Variants in HSD17B4 observed in about 807,000 individuals in gnomAD.
HSD17B4 encodes hydroxysteroid 17-beta dehydrogenase 4.
In HSD17B4, 70 loss-of-function variants were observed where a neutral mutation model predicts 101.0. The ratio of observed to expected loss-of-function variants is 0.69; its 90% CI spans 0.57 to 0.85. HSD17B4 has a LOEUF of 0.85. HSD17B4 is among the 40% of genes least tolerant of loss of function. The pLI, the probability that HSD17B4 is intolerant of heterozygous loss-of-function variation, is 0.00. For synonymous variants in HSD17B4, 347 were observed against 297.1 expected (o/e 1.17, Z -1.73); for missense variants, 984 against 892.4 (o/e 1.10, Z -1.31).
At chr5:119,457,521 C>A (rs1754791933) in intron 2 of HSD17B4, among the ~76,000 whole-genome samples, 1 of 152,224 alleles carries the variant, frequency 6.6e-6, no homozygotes. Context: ...TCTGCTAATC[C>A]AATCTGCTTC....
intron 9 of HSD17B4, among the ~76,000 whole-genome samples, chr5:119,490,771 T>C (rs147690033): frequency 0.013 from 1,941 of 152,260 alleles, 17 homozygotes; most frequent in Non-Finnish European, 0.023. Flanking sequence ...TTTCACCATG[T>C]TGGTCAGGCT....
chr5:119,480,633 A>G (rs191967146), intron 8 of HSD17B4, among the ~76,000 whole-genome samples: 1 of 152,206 alleles, frequency 6.6e-6, no homozygotes, highest in Non-Finnish European at 1.5e-5. Context: ...TTTGGGCACC[A>G]TTGTCATTGA....
chr5:119,522,164 G>A (rs756559608), intron 17 of HSD17B4, among the ~76,000 whole-genome samples: 26 of 151,266 alleles, frequency 1.7e-4, no homozygotes, highest in East Asian at 9.8e-4. Flanking sequence ...CAATTCCCAC[G>A]TATGAGTGAG....
intron 2 of HSD17B4, among the ~76,000 whole-genome samples, chr5:119,457,852 T>C (rs547818190): frequency 6.6e-6 from 1 of 152,362 alleles, no homozygotes; most frequent in East Asian, 1.9e-4. Flanking sequence ...ATTGTTGATA[T>C]ACTTTTCTGG....
At position 119,486,157 on chromosome 5, in the gene HSD17B4, C is replaced by T. The variant is rs1054158705; in HGVS notation, c.623-3035C>T. 2.0e-5 allele frequency among the ~76,000 whole-genome samples: 3 copies of T among 152,066 alleles called. No homozygotes were observed. The South Asian group carries it at 6.2e-4, about 31-fold the overall frequency. On this transcript the variant is annotated intron_variant, in intron 8 of 23. Coordinates refer to ENST00000510025, the MANE Select transcript of HSD17B4 (RefSeq NM_000414.4). ...GGCAGCTGGCTTTCCCCAGAGCTAACGATTTGAAAGAGAGGGTCACCAAGA... is the reference window on the plus strand; with the variant it reads ...GGCAGCTGGCTTTCCCCAGAGCTAATGATTTGAAAGAGAGGGTCACCAAGA...
At chr5:119,527,335 A>T (rs1338348693) in intron 20 of HSD17B4, 116 bp downstream of exon 20, 11 of 658,132 alleles carry the variant, frequency 1.7e-5, no homozygotes, top group Non-Finnish European at 3.0e-5. Flanking sequence ...GGTAAATTTT[A>T]ATTAAAAATA....
At chr5:119,516,067 T>G (rs1231347844) in intron 17 of HSD17B4, among the ~76,000 whole-genome samples, 1 of 152,224 alleles carries the variant, frequency 6.6e-6, no homozygotes, top group Non-Finnish European at 1.5e-5. Flanking sequence ...AGGACTTATG[T>G]TTCCTAGCAA....
chr5:119,508,994 A>T, intron 15 of HSD17B4, 147 bp from the exon 16 acceptor site: 1 of 634,072 alleles, frequency 1.6e-6, no homozygotes, highest in Non-Finnish European at 2.8e-6. Context: ...TTGTAATCCA[A>T]ACTTGGACAC....
chr5:119,471,935 A>G (rs1254478662), intron 2 of HSD17B4, among the ~76,000 whole-genome samples: 1 of 152,164 alleles, frequency 6.6e-6, no homozygotes, highest in Non-Finnish European at 1.5e-5. Context: ...TTGAGGGCAA[A>G]CACCATTCTT....
At chr5:119,482,749 CT>C (rs1212091480) in intron 8 of HSD17B4, among the ~76,000 whole-genome samples, 1 of 151,928 alleles carries the variant, frequency 6.6e-6, no homozygotes, top group African/African-American at 2.4e-5. Context: ...TCTTGCAGCT[CT>C]CACTTGTAAT....
At chr5:119,468,897 A>G (rs1431300260) in intron 2 of HSD17B4, among the ~76,000 whole-genome samples, 2 of 149,528 alleles carry the variant, frequency 1.3e-5, no homozygotes, top group Admixed American at 6.7e-5. Context: ...TCTGTTGTTG[A>G]AGCTTTCAAT....
rs1440995789 is a variant in HSD17B4, at chr5:119,525,288, G to C, written c.1573+3G>C. 1 of 1,588,492 alleles carries C rather than the reference G, an allele frequency of 6.3e-7. No individual in the cohort carries two copies. On this transcript the variant is annotated splice_donor_region_variant and intron_variant, in intron 18 of 23. Transcript: ENST00000510025. ...TCCTAACTTTGCTAGTCTAGCAGGT[G>C]AGTTGTCTTTAATATGTATCAATGA...
At chr5:119,495,971 A>G (rs1184656514) in intron 11 of HSD17B4, among the ~76,000 whole-genome samples, 1 of 152,204 alleles carries the variant, frequency 6.6e-6, no homozygotes, top group Non-Finnish European at 1.5e-5. Flanking sequence ...TGGATGCCCC[A>G]TGAGCCTCCT....
intron 16 of HSD17B4, among the ~76,000 whole-genome samples, chr5:119,514,512 T>C (rs1752443677): frequency 6.6e-6 from 1 of 152,200 alleles, no homozygotes; most frequent in Admixed American, 6.5e-5. Flanking sequence ...GAATTTTAAG[T>C]GTTGGCATTA....
intron 2 of HSD17B4, among the ~76,000 whole-genome samples, chr5:119,466,650 T>A (rs1415047510): frequency 6.6e-6 from 1 of 152,264 alleles, no homozygotes; most frequent in African/African-American, 2.4e-5. Context: ...ATGCCTTTTT[T>A]TCATTTCTGA....
At position 119,457,015 on chromosome 5, in the gene HSD17B4, G is replaced by A. The variant is rs1754746189; in HGVS notation, c.112+647G>A. On this transcript the variant is annotated intron_variant, in intron 2 of 23. Coordinates refer to ENST00000510025, the MANE Select transcript of HSD17B4 (RefSeq NM_000414.4). ...AGTGTTTTAAAAAAATTTAATTGAG[G>A]GGGCAGTTACATGAGTTTTTGTTTG... 2.6e-5 allele frequency among the ~76,000 whole-genome samples: 4 copies of A among 152,190 alleles called. No homozygotes were observed. In the South Asian group the frequency reaches 8.3e-4, roughly 32 times the overall value.
intron 2 of HSD17B4, among the ~76,000 whole-genome samples, chr5:119,463,699 A>T (rs1580518213): frequency 3.8e-5 from 4 of 104,410 alleles, no homozygotes; most frequent in African/African-American, 7.3e-5. Context: ...AAAGAGTGTT[A>T]CTCCGTTGCC....
chr5:119,486,369 G>A (rs982476235), intron 8 of HSD17B4, among the ~76,000 whole-genome samples: 9 of 152,206 alleles, frequency 5.9e-5, no homozygotes, highest in Non-Finnish European at 1.2e-4. Context: ...CCCCCAAACT[G>A]GAGCATTTCC....
intron 17 of HSD17B4, among the ~76,000 whole-genome samples, chr5:119,519,946 G>A (rs1302198244): frequency 6.6e-6 from 1 of 152,034 alleles, no homozygotes; most frequent in Non-Finnish European, 1.5e-5. Flanking sequence ...TGACAGCCAC[G>A]TTCTAGGTCC....
Sources: allele counts gnomAD v4.1 joint callset (sites outside exome capture counted in the v4.1 genomes callset), GRCh38; gene constraint gnomAD v4.1.1; transcripts MANE v1.5; gene names NCBI Gene and HGNC (gene_info 2026-07-23, HGNC 2026-07-21).